Variants in ZNF334 observed in about 807,000 individuals in gnomAD.
ZNF334 encodes zinc finger protein 334.
Under a neutral mutation model 12.4 loss-of-function variants are expected in ZNF334, and 14 were observed. That is an observed-to-expected ratio of 1.13 (90% CI 0.74 to 1.76). ZNF334 has a LOEUF of 1.76. ZNF334 is among the 40% of genes most tolerant of loss of function. The probability of loss-of-function intolerance (pLI) is 0.00; values close to 1 mark genes in which losing one functional copy is unlikely to be tolerated. For missense variants in ZNF334, 797 were observed against 804.5 expected (o/e 0.99, Z 0.11); for synonymous variants, 273 against 269.6 (o/e 1.01, Z -0.12).
chr20:46,478,180 G>T, the ZNF334 span, among the ~76,000 whole-genome samples: 3 of 152,284 alleles, frequency 2.0e-5, no homozygotes, highest in East Asian at 5.8e-4. Context: ...AAATATGAGT[G>T]ACCAATGGCC....
the ZNF334 span, among the ~76,000 whole-genome samples, chr20:46,489,692 A>G: frequency 6.6e-6 from 1 of 151,666 alleles, no homozygotes; most frequent in African/African-American, 2.4e-5. Context: ...ATATCTTCAA[A>G]CCAACTGTTC....
At position 46,512,119 on chromosome 20, in the gene ZNF334, G is replaced by C; in HGVS notation, c.-17C>G. ...CATTTTCATGTTCTCTTGAGAAAGG[G>C]CCAAGAGTGTTGAAAGCAGAGCTGG... is the stretch of plus-strand genomic sequence containing the variant. On this transcript the variant is annotated 5_prime_UTR_variant, in exon 2 of 5. Transcript: ENST00000692313. 2 of 1,613,580 alleles carry C rather than the reference G, an allele frequency of 1.2e-6. No individual in the cohort carries two copies. Among genetic ancestry groups the C allele is most frequent in the Non-Finnish European group, 1.7e-6 (2 of 1,179,636 alleles).
chr20:46,463,787 G>C, the ZNF334 span: 1 of 269,426 alleles, frequency 3.7e-6, no homozygotes, highest in Non-Finnish European at 7.6e-6. Context: ...ACAGCACCTG[G>C]AGTTGATAGG....
chr20:46,504,423 T>G, intron 3 of ZNF334, 117 bp from the exon 4 acceptor site: 2 of 1,144,694 alleles, frequency 1.7e-6, no homozygotes, highest in Non-Finnish European at 2.5e-6. Context: ...AATAGCTCAG[T>G]AAAGCTAGAA....
Position 46,501,147 on chromosome 20 carries a change from G to C in ZNF334, c.*149C>G. ...TATTTCTTTCCTACATGATTTCTCTGATGTTACATTGAGGGTTGACTTATG... is the reference window on the plus strand; with the variant it reads ...TATTTCTTTCCTACATGATTTCTCTCATGTTACATTGAGGGTTGACTTATG... On this transcript the variant is annotated 3_prime_UTR_variant, in exon 5 of 5. Transcript: ENST00000692313. 1.2e-6 allele frequency: 1 copy of C among 815,986 alleles called. No homozygotes were observed. Among genetic ancestry groups the C allele is most frequent in the South Asian group, 2.2e-5 (1 of 44,492 alleles). The allele number at this position is 815,986 out of a possible 1,614,324, so 50.5% of individuals were successfully genotyped here.
intron 2 of ZNF334, chr20:46,509,719 A>G: frequency 7.1e-6 from 5 of 701,744 alleles, no homozygotes; most frequent in South Asian, 5.9e-5. Context: ...GGAAGCTGGT[A>G]CCACACCTCA....
In ZNF334 at chr20:46,502,835, A is replaced by T; in HGVS notation, c.504T>A (p.Phe168Leu). 1 of 1,614,000 alleles carries T rather than the reference A, an allele frequency of 6.2e-7. No individual in the cohort carries two copies. The highest frequency in any genetic ancestry group is 8.5e-7 in the Non-Finnish European group (1 of 1,180,006). ...CCAAATGACTTTTCTCATGCTTCCCAAATCCACTGTATCCATCAGGAATCT... is the reference window on the plus strand; with the variant it reads ...CCAAATGACTTTTCTCATGCTTCCCTAATCCACTGTATCCATCAGGAATCT... ...NRKIPDGYSG[F>L]GKHEKSHLGM... is the part of the protein sequence containing the mutation. Residue 168 changes from phenylalanine to leucine, a missense_variant, in exon 5 of 5, where the codon TTT becomes TTA. By Grantham distance (22) the Phe-to-Leu change is conservative. Transcript: ENST00000692313.
the ZNF334 span, chr20:46,465,005 C>T: frequency 5.0e-6 from 2 of 397,606 alleles, no homozygotes; most frequent in Non-Finnish European, 1.0e-5. Context: ...AAACACAGTA[C>T]CGTCGCTGAA....
the ZNF334 span, among the ~76,000 whole-genome samples, chr20:46,488,424 TATATATATA>T: frequency 1.6e-5 from 2 of 122,952 alleles, no homozygotes; most frequent in African/African-American, 6.7e-5. Context: ...TTATTTTATA[TATATATATA>T]TATATATATA....
the ZNF334 span, among the ~76,000 whole-genome samples, chr20:46,469,238 A>C: frequency 2.6e-5 from 4 of 152,340 alleles, no homozygotes; most frequent in South Asian, 8.3e-4. Context: ...GGAGGGAGCC[A>C]AGAGACCAAA....
At chr20:46,498,632 A>G (rs935940634), downstream of ZNF334, among the ~76,000 whole-genome samples, 3 of 152,244 alleles carry the variant, frequency 2.0e-5, no homozygotes, top group Non-Finnish European at 4.4e-5. Flanking sequence ...TAAGTTGCTA[A>G]TTTTGGGGAT....
chr20:46,491,158 T>C, the ZNF334 span: 1 of 152,788 alleles, frequency 6.5e-6, no homozygotes, highest in Non-Finnish European at 1.5e-5. Context: ...CAAAGGTTAT[T>C]CAACATCAGA....
chr20:46,477,236 C>T, the ZNF334 span: 1 of 152,120 alleles, frequency 6.6e-6, no homozygotes, highest in African/African-American at 2.4e-5. Flanking sequence ...GTTGATGAGG[C>T]TGGATAAGTA....
At chr20:46,479,819 CATA>C in the ZNF334 span, among the ~76,000 whole-genome samples, 1 of 152,190 alleles carries the variant, frequency 6.6e-6, no homozygotes, top group African/African-American at 2.4e-5. Context: ...GCTTCATCTA[CATA>C]ATAAGAACCT....
the ZNF334 span, among the ~76,000 whole-genome samples, chr20:46,481,963 G>T: frequency 2.0e-5 from 3 of 152,076 alleles, no homozygotes; most frequent in Non-Finnish European, 4.4e-5. Flanking sequence ...CAGATGGGGG[G>T]TTTCTCCTGG....
chr20:46,496,947 C>T (rs949161510), downstream of ZNF334, among the ~76,000 whole-genome samples: 1 of 152,182 alleles, frequency 6.6e-6, no homozygotes, highest in Non-Finnish European at 1.5e-5. Context: ...TCACTACTTG[C>T]TTGGCCTGCA....
At chr20:46,496,180 A>G (rs1479456598), downstream of ZNF334, among the ~76,000 whole-genome samples, 2 of 152,258 alleles carry the variant, frequency 1.3e-5, no homozygotes, top group Admixed American at 6.5e-5. Flanking sequence ...AAGAAAGCCC[A>G]TTTTCATTAT....
chr20:46,498,723 T>G (rs1568843873), downstream of ZNF334, among the ~76,000 whole-genome samples: 8 of 152,220 alleles, frequency 5.3e-5, no homozygotes, highest in Admixed American at 4.6e-4. Context: ...TGAATTCCTA[T>G]ACCCAAGTAC....
At chr20:46,485,814 T>C in the ZNF334 span, 1 of 152,222 alleles carries the variant, frequency 6.6e-6, no homozygotes, top group Non-Finnish European at 1.5e-5. Context: ...AAAGATTTTA[T>C]AAGAATTGTT....
Sources: gnomAD v4.1 joint callset for allele counts (sites outside exome capture counted in the v4.1 genomes callset) on GRCh38, gnomAD v4.1.1 for gene constraint, MANE v1.5 for transcripts, NCBI Gene and HGNC (gene_info 2026-07-23, HGNC 2026-07-21) for gene names.